Variants in CNTLN observed in about 807,000 individuals in gnomAD.
CNTLN encodes the protein centlein.
A neutral mutation model predicts 180.0 loss-of-function variants in CNTLN; 212 were observed. The ratio of observed to expected loss-of-function variants is 1.18; its 90% CI spans 1.05 to 1.32. The LOEUF is 1.32. Among genes scored for constraint, CNTLN ranks in the 40% most tolerant of loss-of-function variants. The probability of loss-of-function intolerance (pLI) is 0.00; values close to 1 mark genes in which losing one functional copy is unlikely to be tolerated. For missense variants in CNTLN, 2,095 were observed against 1,610.9 expected, an observed-to-expected ratio of 1.30 and a Z score of -5.14; for synonymous variants, 722 against 563.1, an observed-to-expected ratio of 1.28 and a Z score of -3.99.
chr9:17,381,122 G>A (rs1825219249), intron 13 of CNTLN, among the ~76,000 whole-genome samples: 1 of 152,146 alleles, frequency 6.6e-6, no homozygotes. Flanking sequence ...AGTCTACTAG[G>A]CCTTGCATTA....
intron 18 of CNTLN, among the ~76,000 whole-genome samples, chr9:17,427,843 G>A (rs1001666973): frequency 6.6e-6 from 1 of 152,138 alleles, no homozygotes; most frequent in Non-Finnish European, 1.5e-5. Flanking sequence ...TGGCTGCATA[G>A]TAACCCATTA....
intron 18 of CNTLN, among the ~76,000 whole-genome samples, chr9:17,418,741 G>C (rs1330943266): frequency 6.6e-6 from 1 of 151,676 alleles, no homozygotes; most frequent in African/African-American, 2.4e-5. Context: ...TGAACTTATA[G>C]GTCTTGAATT....
At chr9:17,361,715 C>T (rs1823405703) in intron 12 of CNTLN, among the ~76,000 whole-genome samples, 1 of 152,178 alleles carries the variant, frequency 6.6e-6, no homozygotes, top group Non-Finnish European at 1.5e-5. Flanking sequence ...CTTGGGACCC[C>T]TCTCCCTGTC....
chr9:17,381,741 A>C (rs1436430004), intron 13 of CNTLN, among the ~76,000 whole-genome samples: 1 of 152,188 alleles, frequency 6.6e-6, no homozygotes, highest in Non-Finnish European at 1.5e-5. Flanking sequence ...AGCTGGGATA[A>C]CTGTGCTGCA....
At chr9:17,313,130 C>G (rs1450785603) in intron 8 of CNTLN, among the ~76,000 whole-genome samples, 2 of 152,094 alleles carry the variant, frequency 1.3e-5, no homozygotes, top group Admixed American at 6.6e-5. Flanking sequence ...GTCAGTATAG[C>G]CAATTCTTCC....
rs890065165 is a variant in CNTLN, at chr9:17,204,060, G to C, written c.450-22143G>C. On this transcript the variant is annotated intron_variant, in intron 2 of 25. Transcript: ENST00000380647. ...CGGGTTATTCTAGTTAGCAGTTTTT[G>C]TAACCTTTTATCCACGTTCTTAGCT... is the stretch of plus-strand genomic sequence containing the variant. Among the ~76,000 whole-genome samples the C allele has an allele frequency of 3.3e-5, 5 of 152,252 alleles. No individual in the cohort carries two copies. The South Asian group carries it at 1.0e-3, about 32-fold the overall frequency.
intron 7 of CNTLN, among the ~76,000 whole-genome samples, chr9:17,304,943 T>C (rs1818605947): frequency 6.6e-6 from 1 of 152,064 alleles, no homozygotes; most frequent in Non-Finnish European, 1.5e-5. Context: ...GGAAACAATA[T>C]TGTGGATAAT....
chr9:17,292,871 A>G lies in CNTLN; in HGVS notation c.984-5319A>G, dbSNP rs1430767072. ...GAGAGGTATTATGATCATATGGAGA[A>G]GAGGCACTTTGGCTTTTTGAATTTT... is the stretch of plus-strand genomic sequence containing the variant. On this transcript the variant is annotated intron_variant, in intron 6 of 25. Coordinates refer to ENST00000380647, the MANE Select transcript of CNTLN (RefSeq NM_017738.4). Among the ~76,000 whole-genome samples the G allele has an allele frequency of 1.3e-5, 2 of 152,156 alleles. 1 individual carries two copies. Among genetic ancestry groups the G allele is most frequent in the Admixed American group, 1.3e-4 (2 of 15,274 alleles).
the CNTLN span, among the ~76,000 whole-genome samples, chr9:17,516,115 C>T: frequency 2.2e-4 from 34 of 152,294 alleles, no homozygotes; most frequent in East Asian, 6.0e-3. Flanking sequence ...GATTTTATCC[C>T]TCCTTTCATT....
chr9:17,240,380 G>A (rs563805639), intron 5 of CNTLN, among the ~76,000 whole-genome samples: 16 of 151,372 alleles, frequency 1.1e-4, no homozygotes, highest in Admixed American at 2.0e-4. Context: ...GACTTTCTAC[G>A]TATCATATCA....
intron 2 of CNTLN, among the ~76,000 whole-genome samples, chr9:17,188,015 T>C (rs1306091180): frequency 1.9e-5 from 1 of 51,570 alleles, no homozygotes; most frequent in Non-Finnish European, 3.7e-5. Context: ...ATACACCATA[T>C]ATATATATAT....
rs138741424 is a variant in CNTLN at position 17,199,446 on chromosome 9, C to T, written c.450-26757C>T. Among the ~76,000 whole-genome samples the T allele has an allele frequency of 1.6e-3, 240 of 152,138 alleles. 2 individuals carry two copies. Among genetic ancestry groups the T allele is most frequent in the African/African-American group, 5.6e-3 (233 of 41,546 alleles). On this transcript the variant is annotated intron_variant, in intron 2 of 25. Coordinates refer to ENST00000380647, the MANE Select transcript of CNTLN (RefSeq NM_017738.4). ...CAGGATGGTCTCAATCTCCTGACCT[C>T]GTGATCCACCCTCCTTGGCCTCCCA...
At chr9:17,147,316 G>C (rs1818523831) in intron 2 of CNTLN, among the ~76,000 whole-genome samples, 1 of 152,136 alleles carries the variant, frequency 6.6e-6, no homozygotes, top group African/African-American at 2.4e-5. Context: ...TGCAGTTTTT[G>C]GCCATTTGAT....
chr9:17,373,124 C>G (rs1314077330), intron 13 of CNTLN, among the ~76,000 whole-genome samples: 1 of 151,992 alleles, frequency 6.6e-6, no homozygotes, highest in Non-Finnish European at 1.5e-5. Context: ...ACTGGATGTC[C>G]TAGTTAGGGC....
intron 13 of CNTLN, among the ~76,000 whole-genome samples, chr9:17,373,616 A>T (rs1473935822): frequency 6.6e-6 from 1 of 152,186 alleles, no homozygotes; most frequent in Admixed American, 6.5e-5. Flanking sequence ...TCTTCACAGA[A>T]ACAGAAAAAA....
rs746736576 is a variant in CNTLN at position 17,464,481 on chromosome 9, C to CT, written c.3405-5dup. 0.054 allele frequency: 52,344 copies of CT among 966,484 alleles called. No individual in the cohort carries two copies. The highest frequency in any genetic ancestry group is 0.067 in the South Asian group (3,315 of 49,626). The allele number at this position is 966,484 out of a possible 1,614,324, so 59.9% of individuals were successfully genotyped here. A position where few individuals can be genotyped will look rare whatever the true frequency, so the allele number is the denominator to read the frequency against. ...TATTTTCTGTCACTCTTGATGTCAC[C>CT]TTTTTTTTTTTCAAGGATATCTCGA... On this transcript the variant is annotated splice_polypyrimidine_tract_variant and intron_variant, in intron 20 of 25. Transcript: ENST00000380647.
At chr9:17,225,694 G>A (rs945230665) in intron 2 of CNTLN, among the ~76,000 whole-genome samples, 2 of 151,906 alleles carry the variant, frequency 1.3e-5, no homozygotes, top group Non-Finnish European at 2.9e-5. Context: ...GTTTCCCAGA[G>A]AACTATGCTT....
rs117564961 is a variant in CNTLN, at chr9:17,355,551, G to A, written c.1887-11066G>A. On this transcript the variant is annotated intron_variant, in intron 12 of 25. Transcript: ENST00000380647. ...TTTATCCTCATGTTTTTCTGTAGTT[G>A]TTTAATAGTTTTAACTCTTATATTT... Among the ~76,000 whole-genome samples the A allele has an allele frequency of 3.9e-5, 6 of 152,186 alleles. No individual in the cohort carries two copies. The East Asian group carries it at 1.2e-3, about 29-fold the overall frequency.
intron 2 of CNTLN, among the ~76,000 whole-genome samples, chr9:17,200,724 G>A (rs1056803884): frequency 1.3e-5 from 2 of 152,150 alleles, no homozygotes; most frequent in African/African-American, 2.4e-5. Context: ...ACCAGCATAA[G>A]GAGTTTTGGG....
Sources: allele counts gnomAD v4.1 joint callset (sites outside exome capture counted in the v4.1 genomes callset), GRCh38; gene constraint gnomAD v4.1.1; transcripts MANE v1.5; gene names NCBI Gene and HGNC (gene_info 2026-07-23, HGNC 2026-07-21).